The following PKHD1 variants were observed in gnomAD, a reference collection of about 807,000 sequenced individuals.
PKHD1 encodes the protein fibrocystin.
In PKHD1, 291 loss-of-function variants were observed where a neutral mutation model predicts 412.0. The observed-to-expected ratio is 0.71, with a 90% CI of 0.64 to 0.78. The LOEUF is 0.78. Ranked by LOEUF, PKHD1 falls within the 30% of genes least tolerant of loss-of-function variation. The pLI is 0.00. For missense variants in PKHD1, 4,825 were observed against 4,950.7 expected, an observed-to-expected ratio of 0.97 and a Z score of 0.76; for synonymous variants, 1,777 against 1,821.5, an observed-to-expected ratio of 0.98 and a Z score of 0.62.
At chr6:51,929,121 G>C (rs1211150501) in intron 37 of PKHD1, among the ~76,000 whole-genome samples, 1 of 152,166 alleles carries the variant, frequency 6.6e-6, no homozygotes, top group Non-Finnish European at 1.5e-5. Context: ...TTAATCAGGT[G>C]ACGAGAGAGT....
At chr6:51,692,041 A>G (rs990655563) in intron 60 of PKHD1, among the ~76,000 whole-genome samples, 1 of 152,116 alleles carries the variant, frequency 6.6e-6, no homozygotes, top group African/African-American at 2.4e-5. Context: ...TCAGTTGTTC[A>G]GCCCTTTCTG....
Position 52,024,789 on chromosome 6 carries a change from A to G in PKHD1, c.5021T>C (p.Val1674Ala). The G allele has an allele frequency of 1.9e-6, 3 of 1,614,220 alleles. No homozygotes were observed. Among genetic ancestry groups the G allele is most frequent in the Non-Finnish European group, 2.5e-6 (3 of 1,180,016 alleles). ...GTTTGCAGCTCCTGAGATCTGGGCCACTGCAAAGGTTAAGATGTCATCGCT... is the reference window on the plus strand; with the variant it reads ...GTTTGCAGCTCCTGAGATCTGGGCCGCTGCAAAGGTTAAGATGTCATCGCT... Reference protein sequence around the residue: ...SQSDDILTFAVAQISGAANID... With the variant: ...SQSDDILTFAAAQISGAANID... Residue 1674 changes from valine to alanine, a missense_variant, in exon 32 of 67, where the codon GTG becomes GCG. Coordinates refer to ENST00000371117, the MANE Select transcript of PKHD1 (RefSeq NM_138694.4).
chr6:51,779,029 C>T (rs1582641004), intron 53 of PKHD1, among the ~76,000 whole-genome samples: 1 of 152,232 alleles, frequency 6.6e-6, no homozygotes, highest in South Asian at 2.1e-4. Flanking sequence ...GTAAAATCTT[C>T]TGTACCCCTT....
At chr6:52,067,668 T>A (rs1809947797) in intron 11 of PKHD1, among the ~76,000 whole-genome samples, 1 of 152,154 alleles carries the variant, frequency 6.6e-6, no homozygotes, top group Non-Finnish European at 1.5e-5. Context: ...AGAAGTGGCC[T>A]AGCGAAGAGG....
At chr6:52,076,388 A>G in intron 5 of PKHD1, 55 bp from the exon 6 acceptor site, 1 of 1,298,544 alleles carries the variant, frequency 7.7e-7, no homozygotes, top group East Asian at 2.3e-5. Context: ...TCACAAACAC[A>G]GGAGGCACAA....
At chr6:51,891,661 A>G (rs549630355) in intron 43 of PKHD1, among the ~76,000 whole-genome samples, 3 of 151,740 alleles carry the variant, frequency 2.0e-5, no homozygotes, top group African/African-American at 7.3e-5. Context: ...CCAACAGGAG[A>G]AGAACTTAAA....
At chr6:52,033,285 AGG>A (rs1803360538) in intron 28 of PKHD1, 120 bp from the exon 29 acceptor site, 1 of 816,546 alleles carries the variant, frequency 1.2e-6, no homozygotes, top group African/African-American at 1.7e-5. Context: ...TTGTTCCTAA[AGG>A]GTATATTTCC....
Position 51,649,214 on chromosome 6 carries a change from T to C in PKHD1, c.11181A>G (p.Thr3727=), listed in dbSNP as rs1770540957. 1 of 1,609,660 alleles carries C rather than the reference T, an allele frequency of 6.2e-7. No individual in the cohort carries two copies. Among genetic ancestry groups the C allele is most frequent in the Non-Finnish European group, 8.5e-7 (1 of 1,176,126 alleles). Residue 3727 remains threonine, a synonymous_variant, in exon 62 of 67, where the codon ACA becomes ACG. Coordinates refer to ENST00000371117, the MANE Select transcript of PKHD1 (RefSeq NM_138694.4). ...TCAAGTTCCCAGTTTTAAAACTGCTTGTATTTCTGACAGATATAAAAACAA... is the reference window on the plus strand; with the variant it reads ...TCAAGTTCCCAGTTTTAAAACTGCTCGTATTTCTGACAGATATAAAAACAA... ...QSKGVIGYGN[T]SSFKTGNLIY...
At chr6:52,008,822 C>T (rs1799424988) in intron 35 of PKHD1, among the ~76,000 whole-genome samples, 1 of 152,094 alleles carries the variant, frequency 6.6e-6, no homozygotes, top group African/African-American at 2.4e-5. Flanking sequence ...TAAAGTCCCC[C>T]AAGAAGCAAG....
chr6:52,034,066 T>G (rs1432489174), intron 28 of PKHD1, among the ~76,000 whole-genome samples: 1 of 150,920 alleles, frequency 6.6e-6, no homozygotes. Context: ...GAGGTGGAGG[T>G]TGCAGTGAGC....
chr6:52,073,576 T>G (rs1810945274), intron 6 of PKHD1, 35 bp from the exon 7 acceptor site: 1 of 1,223,124 alleles, frequency 8.2e-7, no homozygotes. Flanking sequence ...TTTAATGGAC[T>G]TAGCTCAAAC....
chr6:52,015,407 C>T lies in PKHD1; in HGVS notation c.5600+2003G>A, dbSNP rs115901120. Among the ~76,000 whole-genome samples, 571 of 152,330 alleles carry T rather than the reference C, an allele frequency of 3.7e-3. 7 individuals carry two copies. Among genetic ancestry groups the T allele is most frequent in the African/African-American group, 0.013 (536 of 41,568 alleles). ...CGTGAATCGGCAAATTGTCCTCTGACGATTGCATTACCTTACCTTCCCACT... is the reference window on the plus strand; with the variant it reads ...CGTGAATCGGCAAATTGTCCTCTGATGATTGCATTACCTTACCTTCCCACT... On this transcript the variant is annotated intron_variant, in intron 34 of 66. Coordinates refer to ENST00000371117, the MANE Select transcript of PKHD1 (RefSeq NM_138694.4).
Position 51,830,933 on chromosome 6 carries a change from C to T in PKHD1, c.8230G>A (p.Gly2744Ser). Residue 2744 changes from glycine to serine, a missense_variant, in exon 52 of 67, where the codon GGT becomes AGT. Physicochemically the swap from Gly to Ser is moderately conservative, Grantham distance 56. Transcript: ENST00000371117. ...TATCCTCCCCAGCCTTCTTCAACAC[C>T]TTGCCATGTTTCAGGGAGGGACCAT... ...LKWSLPETWQGVEEGWGGYNN... is the reference protein window; with the variant it reads ...LKWSLPETWQSVEEGWGGYNN... 4.3e-6 allele frequency: 7 copies of T among 1,611,986 alleles called. No homozygotes were observed. The highest frequency in any genetic ancestry group is 5.9e-6 in the Non-Finnish European group (7 of 1,178,312).
At chr6:51,718,784 A>C (rs1174502519) in intron 60 of PKHD1, among the ~76,000 whole-genome samples, 1 of 152,226 alleles carries the variant, frequency 6.6e-6, no homozygotes, top group Non-Finnish European at 1.5e-5. Context: ...ATGACATTTA[A>C]ATTTGATAAT....
In PKHD1 at chr6:51,616,559, G is replaced by C. The variant is rs1766086473; in HGVS notation, c.*2522C>G. 2.5e-6 allele frequency: 1 copy of C among 392,636 alleles called. No homozygotes were observed. Among genetic ancestry groups the C allele is most frequent in the African/African-American group, 2.1e-5 (1 of 47,954 alleles). The allele number at this position is 392,636 out of a possible 1,614,324, so 24.3% of individuals were successfully genotyped here. A position where few individuals can be genotyped will look rare whatever the true frequency, so the allele number is the denominator to read the frequency against. ...TTTTTTTTTAGGAGAAAGAGGAGTA[G>C]CTTAACTATGGGTTGAGGAATTTTA... On this transcript the variant is annotated 3_prime_UTR_variant, in exon 67 of 67. Coordinates refer to ENST00000371117, the MANE Select transcript of PKHD1 (RefSeq NM_138694.4).
chr6:51,853,035 T>C (rs1772594168), intron 49 of PKHD1, among the ~76,000 whole-genome samples: 1 of 152,180 alleles, frequency 6.6e-6, no homozygotes, highest in Non-Finnish European at 1.5e-5. Flanking sequence ...TGTGTTTTTA[T>C]AGTGGCTGGT....
At chr6:51,797,627 C>CT (rs1562333028) in intron 52 of PKHD1, among the ~76,000 whole-genome samples, 1 of 152,082 alleles carries the variant, frequency 6.6e-6, no homozygotes, top group African/African-American at 2.4e-5. Context: ...GCAACCCCTG[C>CT]TTTTTTTCTG....
intron 60 of PKHD1, among the ~76,000 whole-genome samples, chr6:51,686,500 C>T (rs953265743): frequency 3.9e-5 from 6 of 152,210 alleles, no homozygotes; most frequent in Admixed American, 2.0e-4. Flanking sequence ...GTCTCCTTCT[C>T]AGTGAGGCCT....
chr6:52,008,258 T>C (rs1313799894), intron 35 of PKHD1, among the ~76,000 whole-genome samples: 2 of 152,242 alleles, frequency 1.3e-5, no homozygotes, highest in Non-Finnish European at 2.9e-5. Context: ...CCCCTCATTA[T>C]GAATCTCAGT....
Sources: allele counts gnomAD v4.1 joint callset (sites outside exome capture counted in the v4.1 genomes callset), GRCh38; gene constraint gnomAD v4.1.1; transcripts MANE v1.5; gene names NCBI Gene and HGNC (gene_info 2026-07-23, HGNC 2026-07-21).